USP34: variants seen among roughly 807,000 people sequenced by gnomAD.
The protein encoded by USP34 is ubiquitin specific peptidase 34, also known as ubiquitin carboxyl-terminal hydrolase 34.
Under a neutral mutation model 460.3 loss-of-function variants are expected in USP34, and 70 were observed. The ratio of observed to expected loss-of-function variants is 0.15; its 90% confidence interval spans 0.13 to 0.19. The LOEUF (loss-of-function observed/expected upper bound fraction) is 0.19, where lower values mean the gene tolerates loss of function less well. USP34 is among the 10% of genes least tolerant of loss of function. The pLI is 1.00. For synonymous variants in USP34, 1,647 were observed against 1,405.3 expected, an observed-to-expected ratio of 1.17 and a Z score of -3.85; for missense variants, 3,985 against 4,236.2, an observed-to-expected ratio of 0.94 and a Z score of 1.65.
chr2:61,288,781 A>C lies in USP34; in HGVS notation c.4645T>G (p.Trp1549Gly). Residue 1549 changes from tryptophan (W) to glycine (G), a missense_variant, in exon 34 of 80, where the codon TGG (tryptophan) becomes GGG (glycine). By Grantham distance (184) the Trp-to-Gly change is radical. Around this residue, in one of 14 missense-constraint regions of USP34, gnomAD observed 1,114 missense variants for 1,122.5 expected, o/e 0.99. Transcript: ENST00000398571. ...CTATGGCTTTCCGCTATACCAGACC[A>C]GGCAAAGACATCATGATAAGCTAAA... ...LDLAYHDVFA[W>G]SGIAESHRKR... 1 of 1,614,052 alleles carries C rather than the reference A, an allele frequency of 6.2e-7. No homozygotes were observed. The highest frequency in any genetic ancestry group is 8.5e-7 in the Non-Finnish European group (1 of 1,179,970).
At chr2:61,277,996 G>A (rs1354660293) in intron 41 of USP34, 169 bp downstream of exon 41, 6 of 848,848 alleles carry the variant, frequency 7.1e-6, no homozygotes, top group African/African-American at 3.5e-5. Context: ...CGATTGTGAG[G>A]CCTCCCCAGC....
chr2:61,370,698 A>G, intron 8 of USP34, 119 bp from the exon 9 acceptor site: 1 of 794,462 alleles, frequency 1.3e-6, no homozygotes, highest in Non-Finnish European at 2.0e-6. Flanking sequence ...AGAATTAGAT[A>G]CAATCAGTTT....
intron 16 of USP34, among the ~76,000 whole-genome samples, chr2:61,341,258 C>T (rs972994189): frequency 6.6e-6 from 1 of 152,148 alleles, no homozygotes; most frequent in East Asian, 1.9e-4. Context: ...TAAAGCAGCA[C>T]ACATGAACAA....
Position 61,347,874 on chromosome 2 carries a change from CGTGGTGGTGGTGATGGTG to C in USP34, c.2263_2280del (p.His755_His760del), listed in dbSNP as rs773912356. 9.9e-6 allele frequency: 16 copies of C among 1,611,380 alleles called. No individual in the cohort carries two copies. Among genetic ancestry groups the C allele is most frequent in the African/African-American group, 1.3e-5 (1 of 74,840 alleles). ...TTTATTTTGAAGTAGGCTTACCCAT[CGTGGTGGTGGTGATGGTG>C]GTGGTGGTGGTGGTGATGCTGTGGA... On this transcript the variant is annotated inframe_deletion, in exon 15 of 80. Transcript: ENST00000398571.
Position 61,222,620 on chromosome 2 carries a change from T to C in USP34, c.7793A>G (p.Glu2598Gly). ...ATAAATTAACAAATGTTTACATACC[T>C]CAGGAGTCAACTTTGCTATTGATGT... is the stretch of plus-strand genomic sequence containing the variant. ...LFTSIAKLTP[E>G]AANPFFKLLT... Residue 2598 changes from glutamate (E) to glycine (G), a missense_variant and splice_region_variant, in exon 65 of 80, where the codon GAG becomes GGG. Glu to Gly is a moderately conservative substitution (Grantham distance 98, BLOSUM62 -2). This residue lies in a region of USP34 where 604 missense variants were observed against 684.8 expected (regional missense o/e 0.88). Transcript: ENST00000398571. 1.9e-6 allele frequency: 3 copies of C among 1,611,556 alleles called. No individual in the cohort carries two copies. The highest frequency in any genetic ancestry group is 2.5e-6 in the Non-Finnish European group (3 of 1,178,076).
chr2:61,390,798 G>GA (rs888921477), intron 5 of USP34, among the ~76,000 whole-genome samples: 1,616 of 148,370 alleles, frequency 0.011, 20 homozygotes, highest in African/African-American at 0.035. Context: ...TTCAGGTTCT[G>GA]AAAAAAAAAA....
chr2:61,332,201 G>T (rs1170090470), intron 19 of USP34, among the ~76,000 whole-genome samples: 1 of 151,972 alleles, frequency 6.6e-6, no homozygotes, highest in Non-Finnish European at 1.5e-5. Context: ...AGAATCAAGG[G>T]TAAGTTTCCA....
intron 2 of USP34, among the ~76,000 whole-genome samples, chr2:61,407,269 G>A (rs1242666053): frequency 1.3e-5 from 2 of 152,092 alleles, no homozygotes; most frequent in African/African-American, 2.4e-5. Context: ...GCTTGTGCCT[G>A]TAGTCCCAGC....
intron 46 of USP34, 38 bp from the exon 47 acceptor site, chr2:61,256,988 A>C: frequency 7.0e-7 from 1 of 1,422,188 alleles, no homozygotes; most frequent in Non-Finnish European, 9.3e-7. Flanking sequence ...AAAACTAGTA[A>C]ATTATAATAT....
Position 61,384,951 on chromosome 2 carries a change from A to G in USP34, c.754-1615T>C, listed in dbSNP as rs1178971308. Among the ~76,000 whole-genome samples the G allele has an allele frequency of 2.6e-5, 4 of 152,276 alleles. 1 individual carries two copies. The highest frequency in any genetic ancestry group is 2.6e-4 in the Admixed American group (4 of 15,298). On this transcript the variant is annotated intron_variant, in intron 5 of 79. Transcript: ENST00000398571. The stretch of plus-strand genomic sequence containing the variant: ...TAATACTCTGAGATAATATAATTAT[A>G]TAATTAGGAAACCCAAAATAATTAT...
intron 10 of USP34, among the ~76,000 whole-genome samples, chr2:61,351,153 A>G (rs1044526144): frequency 6.6e-6 from 1 of 152,222 alleles, no homozygotes; most frequent in African/African-American, 2.4e-5. Context: ...CTTGATTCCA[A>G]TGGAATTAAT....
At chr2:61,440,991 G>A (rs1408063001) in intron 1 of USP34, among the ~76,000 whole-genome samples, 3 of 151,844 alleles carry the variant, frequency 2.0e-5, no homozygotes, top group Non-Finnish European at 4.4e-5. Context: ...AGCTGGGCGT[G>A]ATGGCAGGTG....
intron 1 of USP34, among the ~76,000 whole-genome samples, chr2:61,449,319 AATAG>A (rs1431974314): frequency 6.6e-6 from 1 of 152,090 alleles, no homozygotes; most frequent in African/African-American, 2.4e-5. Flanking sequence ...AACCTAAATA[AATAG>A]AAAGATATCC....
At chr2:61,197,406 A>C (rs1029484050) in intron 75 of USP34, among the ~76,000 whole-genome samples, 2 of 152,204 alleles carry the variant, frequency 1.3e-5, no homozygotes, top group African/African-American at 4.8e-5. Context: ...AATTAGGCTC[A>C]CAGAGATTAT....
intron 70 of USP34, chr2:61,208,651 T>G (rs1323100104): frequency 2.1e-5 from 5 of 242,418 alleles, no homozygotes; most frequent in Non-Finnish European, 4.0e-5. Flanking sequence ...AACTAGTCTA[T>G]TTCAAATGGC....
chr2:61,458,376 C>T (rs1363168432), intron 1 of USP34, among the ~76,000 whole-genome samples: 1 of 151,682 alleles, frequency 6.6e-6, no homozygotes, highest in Non-Finnish European at 1.5e-5. Flanking sequence ...GCCTGGCCAA[C>T]ATGGTGAAAC....
At chr2:61,245,330 G>T (rs771009767) in intron 50 of USP34, 42 bp from the exon 51 acceptor site, 5 of 1,152,626 alleles carry the variant, frequency 4.3e-6, no homozygotes, top group East Asian at 5.2e-5. Flanking sequence ...TGCATATAAT[G>T]AGTATCTTCA....
At chr2:61,225,318 T>A (rs1382246598) in intron 62 of USP34, among the ~76,000 whole-genome samples, 1 of 152,132 alleles carries the variant, frequency 6.6e-6, no homozygotes, top group Non-Finnish European at 1.5e-5. Context: ...TTCAGAATAA[T>A]ACTTTTATTA....
At chr2:61,435,372 A>G (rs1052064346) in intron 1 of USP34, among the ~76,000 whole-genome samples, 1 of 151,484 alleles carries the variant, frequency 6.6e-6, no homozygotes, top group Non-Finnish European at 1.5e-5. Context: ...GTCACAAATA[A>G]AAGTATCTCC....
Sources: allele counts gnomAD v4.1 joint callset (sites outside exome capture counted in the v4.1 genomes callset), GRCh38; gene constraint gnomAD v4.1.1; regional missense constraint gnomAD v4.1.1; transcripts MANE v1.5; gene names NCBI Gene and HGNC (gene_info 2026-07-23, HGNC 2026-07-21).